EPYC: variants seen among roughly 807,000 people sequenced by gnomAD.
EPYC encodes the protein epiphycan.
Under a neutral mutation model 30.1 loss-of-function variants are expected in EPYC, and 28 were observed. That is an observed-to-expected ratio of 0.93 (90% CI 0.69 to 1.28). EPYC has a LOEUF of 1.28. Ranked by LOEUF, EPYC falls within the 50% of genes most tolerant of loss-of-function variation. The probability of loss-of-function intolerance (pLI) is 0.00; values close to 1 mark genes in which losing one functional copy is unlikely to be tolerated. For synonymous variants in EPYC, 144 were observed against 141.4 expected (o/e 1.02, Z -0.13); for missense variants, 382 against 383.5 (o/e 1.00, Z 0.03).
chr12:91,003,807 T>G (rs1284838291), intron 1 of EPYC, among the ~76,000 whole-genome samples: 1 of 152,110 alleles, frequency 6.6e-6, no homozygotes, highest in Non-Finnish European at 1.5e-5. Context: ...TGATAAATAT[T>G]ACTTTTAAAC....
At chr12:91,002,202 AAAAAAAAAAGGGCAAAAGAC>A (rs1877846047) in intron 2 of EPYC, among the ~76,000 whole-genome samples, 179 bp downstream of exon 2, 1 of 151,414 alleles carries the variant, frequency 6.6e-6, no homozygotes, top group African/African-American at 2.4e-5. Flanking sequence ...AAAAAAAAAA[AAAAAAAAAAGGGCAAAAGAC>A]TGTTCCGGTA....
chr12:90,998,092 CA>C (rs1592632135), intron 2 of EPYC, among the ~76,000 whole-genome samples: 1 of 151,954 alleles, frequency 6.6e-6, no homozygotes, highest in East Asian at 1.9e-4. Context: ...CTCATCTATT[CA>C]ATAGGAATAA....
At chr12:90,972,173 T>C (rs921157411) in intron 4 of EPYC, among the ~76,000 whole-genome samples, 171 bp from the exon 5 acceptor site, 2 of 152,228 alleles carry the variant, frequency 1.3e-5, no homozygotes, top group African/African-American at 4.8e-5. Context: ...TTCATATTTA[T>C]GTACTTAGGA....
Position 90,972,871 on chromosome 12 carries a change from G to A in EPYC, c.450C>T (p.Ser150=), listed in dbSNP as rs199845057. The A allele has an allele frequency of 2.0e-5, 32 of 1,613,532 alleles. No individual in the cohort carries two copies. The highest frequency in any genetic ancestry group is 2.7e-5 in the Non-Finnish European group (32 of 1,179,690). ...TGATCTTTTTAATTCTGTTAAAGCG[G>A]GAATAGAAATAAGCGGTGTTCTTTG... ...PLPKNTAYFY[S]RFNRIKKINK... Residue 150 remains serine, a synonymous_variant, in exon 4 of 7, where the codon TCC becomes TCT. Coordinates refer to ENST00000261172, the MANE Select transcript of EPYC (RefSeq NM_004950.5).
intron 2 of EPYC, among the ~76,000 whole-genome samples, chr12:90,987,274 G>A (rs765612847): frequency 1.6e-4 from 24 of 151,654 alleles, no homozygotes; most frequent in Non-Finnish European, 2.8e-4. Context: ...TGCTAGCCCT[G>A]AGATAACCTC....
intron 5 of EPYC, among the ~76,000 whole-genome samples, chr12:90,970,928 A>T (rs1386185525): frequency 1.3e-5 from 2 of 152,186 alleles, no homozygotes; most frequent in African/African-American, 4.8e-5. Flanking sequence ...CCATAAGAGG[A>T]GGCAAGAAAG....
intron 3 of EPYC, 143 bp downstream of exon 3, chr12:90,977,945 A>G (rs955324176): frequency 4.0e-6 from 2 of 504,086 alleles, no homozygotes; most frequent in East Asian, 7.0e-5. Context: ...TATAAAATCT[A>G]TGTATAAATA....
intron 2 of EPYC, among the ~76,000 whole-genome samples, chr12:90,989,076 A>G (rs550709797): frequency 6.6e-6 from 1 of 152,254 alleles, no homozygotes; most frequent in East Asian, 1.9e-4. Flanking sequence ...AAGAAAAATT[A>G]TAATGAACAT....
At chr12:90,974,029 T>TACACTCACAC (rs371117592) in intron 3 of EPYC, among the ~76,000 whole-genome samples, 10 of 81,028 alleles carry the variant, frequency 1.2e-4, no homozygotes, top group Non-Finnish European at 2.4e-4. Context: ...TTTTCTGTCT[T>TACACTCACAC]ACACACACTC....
chr12:90,991,506 A>G (rs1236589518), intron 2 of EPYC, among the ~76,000 whole-genome samples: 1 of 152,094 alleles, frequency 6.6e-6, no homozygotes, highest in African/African-American at 2.4e-5. Context: ...TAGCAGATTC[A>G]TAAGTTACTG....
intron 4 of EPYC, among the ~76,000 whole-genome samples, 196 bp from the exon 5 acceptor site, chr12:90,972,198 A>G (rs1877068864): frequency 1.3e-5 from 2 of 152,308 alleles, no homozygotes; most frequent in South Asian, 4.1e-4. Flanking sequence ...AACTTTAGCA[A>G]AGAAATTGGT....
chr12:90,996,870 G>A (rs927524581), intron 2 of EPYC, among the ~76,000 whole-genome samples: 8 of 151,872 alleles, frequency 5.3e-5, no homozygotes, highest in East Asian at 3.9e-4. Flanking sequence ...GAAAGGATAC[G>A]GACAGTTTTA....
chr12:91,000,669 A>G lies in EPYC; in HGVS notation c.165+1732T>C, dbSNP rs547967095. 1.2e-4 allele frequency among the ~76,000 whole-genome samples: 19 copies of G among 152,176 alleles called. No individual in the cohort carries two copies. The South Asian group carries it at 3.7e-3, about 30-fold the overall frequency. On this transcript the variant is annotated intron_variant, in intron 2 of 6. Transcript: ENST00000261172. ...ACCATTCCCAAAACCTACTCAAAAT[A>G]GAAGATTCAGTTATAGTGATCATCA... is the stretch of plus-strand genomic sequence containing the variant.
chr12:90,999,697 C>T (rs1042494207), intron 2 of EPYC, among the ~76,000 whole-genome samples: 10 of 152,036 alleles, frequency 6.6e-5, no homozygotes, highest in African/African-American at 2.2e-4. Context: ...ATCTGGACTT[C>T]CAGGACTGCA....
chr12:90,968,488 T>TA (rs1876955297), intron 6 of EPYC, among the ~76,000 whole-genome samples: 1 of 151,986 alleles, frequency 6.6e-6, no homozygotes, highest in African/African-American at 2.4e-5. Context: ...TCCAAATGAA[T>TA]AAAAAAGGGG....
chr12:90,996,111 A>C (rs1161116100), intron 2 of EPYC, among the ~76,000 whole-genome samples: 1 of 151,960 alleles, frequency 6.6e-6, no homozygotes, highest in Non-Finnish European at 1.5e-5. Flanking sequence ...TTTTGCCACC[A>C]GAATAGTATA....
Position 90,964,083 on chromosome 12 carries a change from G to T in EPYC, c.*73C>A. 2 of 1,264,640 alleles carry T rather than the reference G, an allele frequency of 1.6e-6. No homozygotes were observed. Among genetic ancestry groups the T allele is most frequent in the Non-Finnish European group, 1.1e-6 (1 of 899,866 alleles). The allele number at this position is 1,264,640 out of a possible 1,614,324, so 78.3% of individuals were successfully genotyped here. A position where few individuals can be genotyped will look rare whatever the true frequency, so the allele number is the denominator to read the frequency against. On this transcript the variant is annotated 3_prime_UTR_variant, in exon 7 of 7. Coordinates refer to ENST00000261172, the MANE Select transcript of EPYC (RefSeq NM_004950.5). ...ACACAATCTCAAAGTATCATGCTGA[G>T]TTTTGTTTTGGAAGAGAGCAGTAAG...
In EPYC at chr12:90,971,864, A is replaced by C; in HGVS notation, c.638T>G (p.Leu213Trp). Residue 213 changes from leucine to tryptophan, a missense_variant, in exon 5 of 7, where the codon TTG becomes TGG. Transcript: ENST00000261172. ...ATTGTTGCTAATATCAATAAATGTC[A>C]AAGTGGTTGGCAATTCTGGGAGCTG... Reference protein sequence around the residue: ...IRQLPELPTTLTFIDISNNRL... With the variant: ...IRQLPELPTTWTFIDISNNRL... 6.2e-7 allele frequency: 1 copy of C among 1,612,538 alleles called. No homozygotes were observed. Among genetic ancestry groups the C allele is most frequent in the Non-Finnish European group, 8.5e-7 (1 of 1,179,380 alleles).
At chr12:90,991,502 AT>A (rs1877584514) in intron 2 of EPYC, among the ~76,000 whole-genome samples, 1 of 152,192 alleles carries the variant, frequency 6.6e-6, no homozygotes, top group Admixed American at 6.5e-5. Flanking sequence ...CTTTTAGCAG[AT>A]TCATAAGTTA....
Sources: allele counts gnomAD v4.1 joint callset (sites outside exome capture counted in the v4.1 genomes callset), GRCh38; gene constraint gnomAD v4.1.1; transcripts MANE v1.5; gene names NCBI Gene and HGNC (gene_info 2026-07-23, HGNC 2026-07-21).